The following FAM193A variants were observed in gnomAD, a reference collection of about 807,000 sequenced individuals.
FAM193A encodes the protein family with sequence similarity 193 member A.
A neutral mutation model predicts 126.5 loss-of-function variants in FAM193A; 22 were observed. That is an observed-to-expected ratio of 0.17 (90% CI 0.12 to 0.25). FAM193A has a LOEUF of 0.25. FAM193A is among the 10% of genes least tolerant of loss of function. The pLI is 1.00. For synonymous variants in FAM193A, 761 were observed against 646.8 expected (o/e 1.18, Z -2.68); for missense variants, 1,675 against 1,672.8 (o/e 1.00, Z -0.02).
chr4:2,542,098 C>T (rs940527231), intron 1 of FAM193A, among the ~76,000 whole-genome samples: 1 of 151,952 alleles, frequency 6.6e-6, no homozygotes, highest in Admixed American at 6.6e-5. Flanking sequence ...TCACTGCAAC[C>T]TCCGCCTCCT....
At chr4:2,642,026 C>G (rs1016394042) in intron 6 of FAM193A, among the ~76,000 whole-genome samples, 1 of 150,180 alleles carries the variant, frequency 6.7e-6, no homozygotes. Flanking sequence ...TGCAGTGGCT[C>G]ATGCCTGTAA....
At chr4:2,609,409 A>G (rs1450180730) in intron 2 of FAM193A, among the ~76,000 whole-genome samples, 1 of 151,856 alleles carries the variant, frequency 6.6e-6, no homozygotes, top group Non-Finnish European at 1.5e-5. Flanking sequence ...AAAGAAGACT[A>G]CTCGGCAAGT....
At chr4:2,681,987 G>A (rs1176583754) in intron 13 of FAM193A, among the ~76,000 whole-genome samples, 5 of 121,898 alleles carry the variant, frequency 4.1e-5, no homozygotes, top group Non-Finnish European at 8.7e-5. Context: ...TTTTTTTTTG[G>A]TTTTTTTTTT....
chr4:2,681,896 G>C (rs1442509209), intron 13 of FAM193A, among the ~76,000 whole-genome samples: 2 of 150,636 alleles, frequency 1.3e-5, no homozygotes, highest in African/African-American at 4.9e-5. Flanking sequence ...TTGTCTCTAA[G>C]TATTTTCTGC....
chr4:2,597,042 T>TGG (rs1212496268), intron 2 of FAM193A, among the ~76,000 whole-genome samples: 1 of 152,152 alleles, frequency 6.6e-6, no homozygotes, highest in Non-Finnish European at 1.5e-5. Flanking sequence ...AGAACTGCCT[T>TGG]GGGGGAGTCC....
chr4:2,654,571 TGAG>T (rs1745990949), intron 7 of FAM193A: 1 of 151,138 alleles, frequency 6.6e-6, no homozygotes. Flanking sequence ...CCTGAGGCTG[TGAG>T]GAGAGAGTCA....
At chr4:2,572,160 G>C (rs1288807268) in intron 1 of FAM193A, among the ~76,000 whole-genome samples, 1 of 56,872 alleles carries the variant, frequency 1.8e-5, no homozygotes, top group Non-Finnish European at 3.4e-5. Context: ...GCCAGCCTCT[G>C]TGTCCAAAAA....
chr4:2,728,572 TGA>T (rs1379375078), intron 20 of FAM193A, among the ~76,000 whole-genome samples: 1 of 152,128 alleles, frequency 6.6e-6, no homozygotes, highest in Non-Finnish European at 1.5e-5. Flanking sequence ...AAGCTGTTCT[TGA>T]GAGGGGCCTG....
chr4:2,718,924 G>GT (rs1474120937), intron 20 of FAM193A, among the ~76,000 whole-genome samples: 1 of 152,110 alleles, frequency 6.6e-6, no homozygotes, highest in Non-Finnish European at 1.5e-5. Flanking sequence ...AACAATAGCT[G>GT]TAAGTCTCAG....
chr4:2,586,487 G>A (rs1740246308), intron 1 of FAM193A, among the ~76,000 whole-genome samples: 1 of 151,854 alleles, frequency 6.6e-6, no homozygotes, highest in African/African-American at 2.4e-5. Context: ...AATTTAAAAG[G>A]CCATTCTTTC....
chr4:2,676,738 C>T (rs536737573), intron 13 of FAM193A, among the ~76,000 whole-genome samples: 6 of 152,146 alleles, frequency 3.9e-5, no homozygotes, highest in South Asian at 2.1e-4. Flanking sequence ...GTCAGGAGGT[C>T]GAGACCATCC....
chr4:2,575,168 C>T (rs976021267), intron 1 of FAM193A, among the ~76,000 whole-genome samples: 1 of 151,978 alleles, frequency 6.6e-6, no homozygotes, highest in African/African-American at 2.4e-5. Context: ...GCGACACTTG[C>T]CAAGTGAGAT....
intron 2 of FAM193A, among the ~76,000 whole-genome samples, chr4:2,598,923 G>T (rs907417802): frequency 6.6e-6 from 1 of 152,184 alleles, no homozygotes; most frequent in Non-Finnish European, 1.5e-5. Context: ...ACGGCCTTGG[G>T]GGCAGCTTTC....
intron 2 of FAM193A, 111 bp downstream of exon 2, chr4:2,596,440 T>A (rs972379746): frequency 3.2e-6 from 2 of 634,004 alleles, no homozygotes; most frequent in Admixed American, 4.7e-5. Context: ...GGGCACTCCC[T>A]CCTGCACCAC....
At chr4:2,603,703 C>T (rs1045739233) in intron 2 of FAM193A, among the ~76,000 whole-genome samples, 1 of 151,974 alleles carries the variant, frequency 6.6e-6, no homozygotes, top group African/African-American at 2.4e-5. Context: ...TCGTGATCTG[C>T]CCACCTTGGC....
At chr4:2,588,100 A>G (rs1740334608) in intron 1 of FAM193A, among the ~76,000 whole-genome samples, 1 of 152,138 alleles carries the variant, frequency 6.6e-6, no homozygotes, top group South Asian at 2.1e-4. Context: ...GCAGTCTGTG[A>G]ATACCCATCT....
chr4:2,662,917 G>A lies in FAM193A; in HGVS notation c.1825G>A (p.Glu609Lys), dbSNP rs758025797. 27 of 1,613,756 alleles carry A rather than the reference G, an allele frequency of 1.7e-5. No individual in the cohort carries two copies. Among genetic ancestry groups the A allele is most frequent in the East Asian group, 6.7e-5 (3 of 44,860 alleles). ...TCCATTGAGTAATTATGATGATACC[G>A]AGGTGGTGGCCAACATGAATGGAAT... ...IYPLSNYDDT[E>K]VVANMNGIHS... Residue 609 changes from glutamate to lysine, a missense_variant, in exon 11 of 21, where the codon GAG (glutamate) becomes AAG (lysine). Physicochemically the swap from Glu to Lys is moderately conservative, Grantham distance 56 (BLOSUM62 1). Transcript: ENST00000637812.
At chr4:2,631,985 A>C (rs1482475618) in intron 5 of FAM193A, among the ~76,000 whole-genome samples, 1 of 152,050 alleles carries the variant, frequency 6.6e-6, no homozygotes, top group African/African-American at 2.4e-5. Context: ...TTTGGGTGCT[A>C]GTTTTGGGTG....
chr4:2,537,562 CG>C (rs1390203075), intron 1 of FAM193A, among the ~76,000 whole-genome samples: 1 of 152,252 alleles, frequency 6.6e-6, no homozygotes, highest in African/African-American at 2.4e-5. Flanking sequence ...CCGCGAGGCC[CG>C]GGCTTCTGTC....
Sources: allele counts gnomAD v4.1 joint callset (sites outside exome capture counted in the v4.1 genomes callset), GRCh38; gene constraint gnomAD v4.1.1; transcripts MANE v1.5; gene names NCBI Gene and HGNC (gene_info 2026-07-23, HGNC 2026-07-21).